The following GABRG3 variants were observed in gnomAD, a reference collection of about 807,000 sequenced individuals.
GABRG3 encodes gamma-aminobutyric acid receptor subunit gamma-3.
Under a neutral mutation model 48.8 loss-of-function variants are expected in GABRG3, and 25 were observed. The observed-to-expected ratio is 0.51, with a 90% CI of 0.37 to 0.72. The LOEUF is 0.72. Ranked by LOEUF, GABRG3 falls within the 30% of genes least tolerant of loss-of-function variation. The probability of loss-of-function intolerance (pLI) is 0.00; values close to 1 mark genes in which losing one functional copy is unlikely to be tolerated. For missense variants in GABRG3, 394 were observed against 577.9 expected (o/e 0.68, Z 3.26); for synonymous variants, 227 against 217.6 (o/e 1.04, Z -0.38).
intron 7 of GABRG3, among the ~76,000 whole-genome samples, chr15:27,522,909 C>G (rs1226425932): frequency 6.6e-6 from 1 of 151,740 alleles, no homozygotes; most frequent in Non-Finnish European, 1.5e-5. Flanking sequence ...CATTTGTCCA[C>G]TTATTTAAGT....
rs926901700 is a variant in GABRG3, at chr15:27,352,986, C to T, written c.574+24098C>T. Among the ~76,000 whole-genome samples the T allele has an allele frequency of 5.3e-5, 8 of 152,208 alleles. No individual in the cohort carries two copies. The East Asian group carries it at 1.5e-3, about 29-fold the overall frequency. Reference sequence around the variant, plus strand: ...TGGGTGTTAGGTATTTGAAGTGTGACGTCTACAAACCTCCCGACTTCTGTG... The same window carrying T: ...TGGGTGTTAGGTATTTGAAGTGTGATGTCTACAAACCTCCCGACTTCTGTG... On this transcript the variant is annotated intron_variant, in intron 5 of 9. Transcript: ENST00000615808. This position sits in a 1 kb window ranked among gnomAD's most constrained non-coding sequence, Gnocchi z 4.0.
At chr15:27,029,324 G>A (rs1229384990) in intron 3 of GABRG3, among the ~76,000 whole-genome samples, 1 of 152,180 alleles carries the variant, frequency 6.6e-6, no homozygotes, top group African/African-American at 2.4e-5. Flanking sequence ...GCTCAGCAGG[G>A]ATGGCACTGT....
chr15:26,995,608 G>A (rs1895326466), intron 2 of GABRG3, among the ~76,000 whole-genome samples: 1 of 150,006 alleles, frequency 6.7e-6, no homozygotes, highest in South Asian at 2.1e-4. Flanking sequence ...AAGCTGTTTT[G>A]GAATCAGCAA....
At chr15:27,093,736 C>T (rs1045545106) in intron 3 of GABRG3, among the ~76,000 whole-genome samples, 1 of 152,158 alleles carries the variant, frequency 6.6e-6, no homozygotes, top group Non-Finnish European at 1.5e-5. Context: ...GATGGATACT[C>T]TGTAAGTCAG....
At chr15:27,282,528 A>G (rs1218912452) in intron 3 of GABRG3, among the ~76,000 whole-genome samples, 1 of 152,120 alleles carries the variant, frequency 6.6e-6, no homozygotes, top group African/African-American at 2.4e-5. Context: ...AGTAGTAGTT[A>G]CTGTCTTTTT....
intron 3 of GABRG3, among the ~76,000 whole-genome samples, chr15:27,265,568 G>A (rs1025356979): frequency 3.9e-5 from 6 of 152,142 alleles, no homozygotes; most frequent in African/African-American, 1.2e-4. Flanking sequence ...GAAGGGAAGC[G>A]CCGAAAGCAT....
intron 5 of GABRG3, among the ~76,000 whole-genome samples, chr15:27,428,594 A>G (rs1223875910): frequency 6.6e-6 from 1 of 152,118 alleles, no homozygotes; most frequent in Non-Finnish European, 1.5e-5. Flanking sequence ...CAAAAATAAC[A>G]TATGTAAGAA....
intron 3 of GABRG3, among the ~76,000 whole-genome samples, chr15:27,088,647 C>T (rs1897130140): frequency 6.6e-6 from 1 of 152,110 alleles, no homozygotes; most frequent in Non-Finnish European, 1.5e-5. Context: ...GGGAAGCGGG[C>T]TTCTTCGTCA....
At chr15:27,000,285 G>A (rs1482926881) in intron 2 of GABRG3, among the ~76,000 whole-genome samples, 1 of 152,188 alleles carries the variant, frequency 6.6e-6, no homozygotes, top group Non-Finnish European at 1.5e-5. Context: ...TCATTTTGGT[G>A]TATAGTTGAG....
chr15:27,380,763 GTT>G (rs71132807), intron 5 of GABRG3, among the ~76,000 whole-genome samples: 1,358 of 115,182 alleles, frequency 0.012, 21 homozygotes, highest in African/African-American at 0.039. Context: ...GTTCTGTGTG[GTT>G]TTTTTTTTTT....
chr15:27,333,296 A>G (rs1057242277), intron 5 of GABRG3, among the ~76,000 whole-genome samples: 1 of 152,192 alleles, frequency 6.6e-6, no homozygotes, highest in Non-Finnish European at 1.5e-5. Flanking sequence ...TAGATCACAA[A>G]TCTGAACTGG....
chr15:27,408,637 C>T (rs1887708305), intron 5 of GABRG3, among the ~76,000 whole-genome samples: 1 of 152,124 alleles, frequency 6.6e-6, no homozygotes, highest in African/African-American at 2.4e-5. Context: ...TTTTGGAATT[C>T]CAGAGACTTC....
At chr15:27,208,055 G>A in intron 3 of GABRG3, 1 of 160,528 alleles carries the variant, frequency 6.2e-6, no homozygotes, top group South Asian at 1.8e-4. Context: ...CTCTCCCACT[G>A]AACCTCTCGA....
chr15:27,308,931 AAC>A (rs570448224), intron 3 of GABRG3, among the ~76,000 whole-genome samples: 172 of 147,200 alleles, frequency 1.2e-3, no homozygotes, highest in Middle Eastern at 9.4e-3. Flanking sequence ...TTTATATGAA[AAC>A]ACATATAATG....
chr15:27,217,662 A>G lies in GABRG3; in HGVS notation c.271-109147A>G, dbSNP rs118089482. Among the ~76,000 whole-genome samples the G allele has an allele frequency of 3.3e-5, 5 of 152,332 alleles. No individual in the cohort carries two copies. In the East Asian group the frequency reaches 9.6e-4, roughly 29 times the overall value. ...GTGCTTTGTATTTTACACACCAACG[A>G]GTATCATAGTTAAGTGCACTCTCAC... On this transcript the variant is annotated intron_variant, in intron 3 of 9. Transcript: ENST00000615808.
intron 4 of GABRG3, among the ~76,000 whole-genome samples, chr15:27,328,103 A>G (rs1448063903): frequency 2.0e-5 from 3 of 149,862 alleles, no homozygotes; most frequent in Admixed American, 2.0e-4. Flanking sequence ...CAATTACAGC[A>G]AAAACAAACA....
chr15:27,306,661 CATGTTTATATATAAACATAT>C lies in GABRG3; in HGVS notation c.271-20145_271-20126del, dbSNP rs1566768731. Among the ~76,000 whole-genome samples, 340 of 58,584 alleles carry C rather than the reference CATGTTTATATATAAACATAT, an allele frequency of 5.8e-3. 3 individuals are homozygous for C. The highest frequency in any genetic ancestry group is 0.017 in the Middle Eastern group (1 of 58). The allele number at this position is 58,584 out of a possible 152,430, so 38.4% of individuals were successfully genotyped here. ...ATTTATATATAAACATATATATGAA[CATGTTTATATATAAACATAT>C]ATATGAACATGTTTATATATAAACA... is the stretch of plus-strand genomic sequence containing the variant. On this transcript the variant is annotated intron_variant, in intron 3 of 9. Transcript: ENST00000615808.
chr15:27,418,438 T>C (rs1171134303), intron 5 of GABRG3, among the ~76,000 whole-genome samples: 3 of 152,092 alleles, frequency 2.0e-5, no homozygotes, highest in African/African-American at 7.2e-5. Flanking sequence ...ATTCATAATG[T>C]GAGGAGGGAG....
intron 2 of GABRG3, among the ~76,000 whole-genome samples, chr15:27,022,687 C>A (rs1895917851): frequency 1.3e-5 from 2 of 152,282 alleles, no homozygotes; most frequent in South Asian, 2.1e-4. Flanking sequence ...GCTCTAGGTG[C>A]ATCCACAGAC....
Sources: gnomAD v4.1 joint callset for allele counts (sites outside exome capture counted in the v4.1 genomes callset) on GRCh38, gnomAD v4.1.1 for gene constraint, Gnocchi (gnomAD v3.1) non-coding constraint, MANE v1.5 for transcripts, NCBI Gene and HGNC (gene_info 2026-07-23, HGNC 2026-07-21) for gene names.